The following NKAIN2 variants were observed in gnomAD, a reference collection of about 807,000 sequenced individuals.
The protein encoded by NKAIN2 is sodium/potassium-transporting ATPase subunit beta-1-interacting protein 2.
A neutral mutation model predicts 32.6 loss-of-function variants in NKAIN2; 14 were observed. The ratio of observed to expected loss-of-function variants is 0.43; its 90% CI spans 0.28 to 0.67. The LOEUF is 0.67. NKAIN2 is among the 30% of genes least tolerant of loss of function. NKAIN2 has a pLI of 0.17. For missense variants in NKAIN2, 198 were observed against 258.3 expected (o/e 0.77, Z 1.60); for synonymous variants, 80 against 87.2 (o/e 0.92, Z 0.46).
chr6:124,493,435 T>C (rs1258502927), intron 3 of NKAIN2, among the ~76,000 whole-genome samples: 1 of 152,008 alleles, frequency 6.6e-6, no homozygotes, highest in Non-Finnish European at 1.5e-5. Flanking sequence ...AAATAGATTT[T>C]ATCATGAACA....
At chr6:123,944,694 A>G (rs1048827989) in intron 1 of NKAIN2, among the ~76,000 whole-genome samples, 2 of 152,122 alleles carry the variant, frequency 1.3e-5, no homozygotes, top group Non-Finnish European at 2.9e-5. Flanking sequence ...TTAGAAATAT[A>G]TCTCTTGTTT....
At chr6:123,850,721 TA>T (rs1287079346) in intron 1 of NKAIN2, among the ~76,000 whole-genome samples, 4 of 152,238 alleles carry the variant, frequency 2.6e-5, no homozygotes, top group Non-Finnish European at 5.9e-5. Context: ...TTCACACGCT[TA>T]TTTTTTTGTG....
chr6:124,697,764 G>A (rs2114558091), intron 4 of NKAIN2, among the ~76,000 whole-genome samples: 1 of 152,024 alleles, frequency 6.6e-6, no homozygotes, highest in East Asian at 1.9e-4. Flanking sequence ...ATACTAACAG[G>A]GATCAGCAAA....
At chr6:124,283,380 G>C in intron 2 of NKAIN2, 1 of 296,738 alleles carries the variant, frequency 3.4e-6, no homozygotes, top group Non-Finnish European at 6.2e-6. Context: ...TACTTTCAGC[G>C]AATAGTCTCA....
At chr6:124,435,427 ATG>A (rs1775400505) in intron 3 of NKAIN2, among the ~76,000 whole-genome samples, 2 of 152,144 alleles carry the variant, frequency 1.3e-5, no homozygotes, top group African/African-American at 2.4e-5. Flanking sequence ...CTAATGTTAA[ATG>A]TGTGTTTTTT....
chr6:124,374,945 T>C (rs1003601104), intron 3 of NKAIN2, among the ~76,000 whole-genome samples: 1 of 152,098 alleles, frequency 6.6e-6, no homozygotes, highest in African/African-American at 2.4e-5. Flanking sequence ...TGCTATCTCC[T>C]CAGCTCATTC....
chr6:123,931,769 T>G (rs2114522355), intron 1 of NKAIN2, among the ~76,000 whole-genome samples: 1 of 152,262 alleles, frequency 6.6e-6, no homozygotes, highest in African/African-American at 2.4e-5. Flanking sequence ...TTCATTTATC[T>G]TGAATAAATT....
intron 3 of NKAIN2, among the ~76,000 whole-genome samples, chr6:124,394,819 C>T (rs1773306221): frequency 3.3e-5 from 5 of 152,080 alleles, no homozygotes; most frequent in Admixed American, 3.3e-4. Context: ...CCACAAACAC[C>T]CATAATAGTG....
chr6:124,238,797 A>G (rs1336718235), intron 1 of NKAIN2, among the ~76,000 whole-genome samples: 1 of 152,218 alleles, frequency 6.6e-6, no homozygotes, highest in East Asian at 1.9e-4. Context: ...ATGGAAAGGA[A>G]AAACTGGGAC....
chr6:124,453,712 T>C (rs1025857055), intron 3 of NKAIN2, among the ~76,000 whole-genome samples: 1 of 152,088 alleles, frequency 6.6e-6, no homozygotes, highest in Admixed American at 6.6e-5. Context: ...CTCTGATCAA[T>C]GAGTGTTTCT....
chr6:124,531,583 C>T (rs771943461), intron 3 of NKAIN2, among the ~76,000 whole-genome samples: 10 of 152,176 alleles, frequency 6.6e-5, no homozygotes, highest in Non-Finnish European at 1.2e-4. Context: ...GAAGTATTCT[C>T]TCTTTTTCAA....
At chr6:124,226,633 A>G (rs1379759712) in intron 1 of NKAIN2, among the ~76,000 whole-genome samples, 2 of 151,750 alleles carry the variant, frequency 1.3e-5, no homozygotes, top group East Asian at 3.9e-4. Flanking sequence ...TTATATTATT[A>G]TTTTTTGACT....
intron 1 of NKAIN2, among the ~76,000 whole-genome samples, chr6:123,869,582 C>T (rs1772761796): frequency 6.6e-6 from 1 of 152,214 alleles, no homozygotes; most frequent in African/African-American, 2.4e-5. Context: ...AGTTCAGCAT[C>T]TACAGGGACA....
intron 3 of NKAIN2, among the ~76,000 whole-genome samples, chr6:124,406,135 G>A (rs1009563522): frequency 6.6e-6 from 1 of 151,758 alleles, no homozygotes; most frequent in Non-Finnish European, 1.5e-5. Context: ...TTTGACATAT[G>A]TATATACTTA....
intron 3 of NKAIN2, among the ~76,000 whole-genome samples, chr6:124,541,012 T>C (rs1779891477): frequency 6.6e-6 from 1 of 152,184 alleles, no homozygotes; most frequent in African/African-American, 2.4e-5. Flanking sequence ...AGCATCTGTA[T>C]ATGCCACAGT....
chr6:124,098,539 A>G (rs137979826), intron 1 of NKAIN2, among the ~76,000 whole-genome samples: 20 of 152,272 alleles, frequency 1.3e-4, no homozygotes, highest in African/African-American at 4.8e-4. Flanking sequence ...TAGTAGTCCA[A>G]TTAATTCTTT....
intron 3 of NKAIN2, among the ~76,000 whole-genome samples, chr6:124,576,490 A>G (rs1781340062): frequency 1.3e-5 from 2 of 152,214 alleles, no homozygotes; most frequent in South Asian, 2.1e-4. Flanking sequence ...CAGCTTACAA[A>G]TATATGAAGA....
intron 1 of NKAIN2, among the ~76,000 whole-genome samples, chr6:123,868,287 A>T (rs1772686208): frequency 2.0e-5 from 3 of 152,210 alleles, no homozygotes. Context: ...TGAGAGTAAG[A>T]CTGAGACTAA....
At chr6:124,184,470 C>T (rs1488028604) in intron 1 of NKAIN2, among the ~76,000 whole-genome samples, 1 of 152,104 alleles carries the variant, frequency 6.6e-6, no homozygotes, top group Non-Finnish European at 1.5e-5. Flanking sequence ...AGTCATTTGG[C>T]ACTGTACTCA....
Sources: allele counts gnomAD v4.1 joint callset (sites outside exome capture counted in the v4.1 genomes callset), GRCh38; gene constraint gnomAD v4.1.1; transcripts MANE v1.5; gene names NCBI Gene and HGNC (gene_info 2026-07-23, HGNC 2026-07-21).